The following PEX14 variants were observed in gnomAD, a reference collection of about 807,000 sequenced individuals.
PEX14 encodes the protein peroxisomal membrane protein PEX14.
Under a neutral mutation model 49.5 loss-of-function variants are expected in PEX14, and 15 were observed. The ratio of observed to expected loss-of-function variants is 0.30; its 90% CI spans 0.20 to 0.47. The LOEUF (loss-of-function observed/expected upper bound fraction) is 0.47. PEX14 is among the 20% of genes least tolerant of loss of function. PEX14 has a pLI of 1.00. For missense variants in PEX14, 398 were observed against 494.8 expected (o/e 0.80, Z 1.86); for synonymous variants, 210 against 212.7 (o/e 0.99, Z 0.11).
intron 3 of PEX14, among the ~76,000 whole-genome samples, chr1:10,570,454 T>C (rs1485665562): frequency 6.6e-6 from 1 of 152,046 alleles, no homozygotes; most frequent in African/African-American, 2.4e-5. Context: ...TGCCTCAGCC[T>C]CCTGAGTAGC....
intron 3 of PEX14, among the ~76,000 whole-genome samples, chr1:10,555,485 A>G (rs1639459406): frequency 6.6e-6 from 1 of 152,218 alleles, no homozygotes; most frequent in Non-Finnish European, 1.5e-5. Flanking sequence ...CTCTCATTAC[A>G]GTAATTAAAC....
At chr1:10,549,500 A>G (rs930507484) in intron 3 of PEX14, among the ~76,000 whole-genome samples, 2 of 152,334 alleles carry the variant, frequency 1.3e-5, no homozygotes, top group East Asian at 1.9e-4. Context: ...ATGGAGCTCC[A>G]TGATGTCCTC....
intron 1 of PEX14, among the ~76,000 whole-genome samples, chr1:10,493,903 C>T (rs762671993): frequency 1.3e-5 from 2 of 152,166 alleles, no homozygotes; most frequent in Admixed American, 6.5e-5. Flanking sequence ...TGAGTCTGCT[C>T]CAGGGCAGCT....
At chr1:10,500,278 T>C (rs937397512) in intron 2 of PEX14, among the ~76,000 whole-genome samples, 4 of 134,154 alleles carry the variant, frequency 3.0e-5, no homozygotes. Context: ...TAGTGGCAGG[T>C]ACCTATAATC....
At chr1:10,578,716 A>G (rs994450091) in intron 3 of PEX14, among the ~76,000 whole-genome samples, 2 of 152,168 alleles carry the variant, frequency 1.3e-5, no homozygotes, top group African/African-American at 4.8e-5. Context: ...GTTGCAGTGG[A>G]GATAAGGAAG....
At chr1:10,621,487 C>G (rs1285441844) in intron 5 of PEX14, among the ~76,000 whole-genome samples, 1 of 152,008 alleles carries the variant, frequency 6.6e-6, no homozygotes, top group East Asian at 1.9e-4. Flanking sequence ...GCTGGGATTA[C>G]AGGCATGCGC....
chr1:10,536,029 A>C (rs56053695), intron 2 of PEX14, 184 bp from the exon 3 acceptor site: 31 of 610,904 alleles, frequency 5.1e-5, no homozygotes, highest in Non-Finnish European at 9.0e-5. Context: ...GAAGCCAGTG[A>C]AGACAGGGAA....
chr1:10,564,538 A>G (rs1417447919), intron 3 of PEX14, among the ~76,000 whole-genome samples: 1 of 151,218 alleles, frequency 6.6e-6, no homozygotes, highest in East Asian at 1.9e-4. Context: ...TAGTCTCCCA[A>G]GTAACTGGGA....
At chr1:10,570,243 A>G (rs6540936) in intron 3 of PEX14, among the ~76,000 whole-genome samples, 147,694 of 152,234 alleles carry the variant, frequency 0.97, 71,798 homozygotes, top group East Asian at 1. Context: ...CCCACATTCC[A>G]TTCTTGTTTC....
chr1:10,575,074 TAA>T (rs142120114), intron 3 of PEX14, among the ~76,000 whole-genome samples: 3 of 123,374 alleles, frequency 2.4e-5, no homozygotes, highest in Admixed American at 7.6e-5. Flanking sequence ...GTCTCTTAAA[TAA>T]AAAAAAAAAA....
intron 2 of PEX14, among the ~76,000 whole-genome samples, chr1:10,530,895 C>T (rs566992648): frequency 3.2e-4 from 48 of 152,288 alleles, no homozygotes; most frequent in African/African-American, 1.1e-3. Flanking sequence ...ACAATTCCGA[C>T]GCTTGCTTTC....
chr1:10,550,641 A>G (rs1411400), intron 3 of PEX14, among the ~76,000 whole-genome samples: 1,708 of 152,350 alleles, frequency 0.011, 34 homozygotes, highest in African/African-American at 0.039. Context: ...AAGCATTCAC[A>G]CATACATTTG....
At chr1:10,560,521 C>T (rs556354151) in intron 3 of PEX14, among the ~76,000 whole-genome samples, 19 of 151,762 alleles carry the variant, frequency 1.3e-4, no homozygotes, top group Admixed American at 9.2e-4. Flanking sequence ...CACCACCAGA[C>T]CCAGCTAATT....
intron 3 of PEX14, among the ~76,000 whole-genome samples, chr1:10,590,498 TAC>T (rs1640632697): frequency 6.6e-6 from 1 of 152,164 alleles, no homozygotes; most frequent in Non-Finnish European, 1.5e-5. Context: ...ATACCTATTA[TAC>T]ATTACAGATA....
intron 3 of PEX14, among the ~76,000 whole-genome samples, chr1:10,547,891 T>C (rs1345260690): frequency 6.6e-6 from 1 of 152,200 alleles, no homozygotes; most frequent in Non-Finnish European, 1.5e-5. Flanking sequence ...TGATGTATTC[T>C]GTATCATCAC....
In PEX14 at chr1:10,519,128, A is replaced by G. The variant is rs1642022782; in HGVS notation, c.85-17085A>G. Among the ~76,000 whole-genome samples, 2 of 152,146 alleles carry G rather than the reference A, an allele frequency of 1.3e-5. 1 individual carries two copies. The highest frequency in any genetic ancestry group is 4.1e-4 in the South Asian group (2 of 4,824). On this transcript the variant is annotated intron_variant, in intron 2 of 8. Coordinates refer to ENST00000356607, the MANE Select transcript of PEX14 (RefSeq NM_004565.3). ...TTCAGAATTTCAGGAAGAGTAGCAC[A>G]CCACCGAGTAGAGGGCCTCCCCCTA...
At chr1:10,590,180 A>G (rs1362423090) in intron 3 of PEX14, among the ~76,000 whole-genome samples, 1 of 152,170 alleles carries the variant, frequency 6.6e-6, no homozygotes, top group Non-Finnish European at 1.5e-5. Flanking sequence ...CACTGCTCGG[A>G]GGTGCCACAA....
chr1:10,484,955 G>T (rs886361944), intron 1 of PEX14, among the ~76,000 whole-genome samples: 1 of 151,704 alleles, frequency 6.6e-6, no homozygotes, highest in Non-Finnish European at 1.5e-5. Flanking sequence ...TCACGTACAT[G>T]CTGTCACCTT....
At chr1:10,617,093 C>T (rs1641445337) in intron 4 of PEX14, 1 of 152,034 alleles carries the variant, frequency 6.6e-6, no homozygotes, top group Non-Finnish European at 1.5e-5. Flanking sequence ...CCAGCCTGGG[C>T]AACATAACAA....
Sources: allele counts gnomAD v4.1 joint callset (sites outside exome capture counted in the v4.1 genomes callset), GRCh38; gene constraint gnomAD v4.1.1; transcripts MANE v1.5; gene names NCBI Gene and HGNC (gene_info 2026-07-23, HGNC 2026-07-21).